The following CA5A variants were observed in gnomAD, a reference collection of about 807,000 sequenced individuals.
CA5A encodes carbonic anhydrase 5A, mitochondrial.
CA5A carries 28 observed loss-of-function variants against 37.1 expected under a neutral mutation model. The ratio of observed to expected loss-of-function variants is 0.75; its 90% CI spans 0.56 to 1.03. The LOEUF (loss-of-function observed/expected upper bound fraction) is 1.03, where lower values mean the gene tolerates loss of function less well. CA5A is among the 50% of genes least tolerant of loss of function. The probability of loss-of-function intolerance (pLI) is 0.00; values close to 1 mark genes in which losing one functional copy is unlikely to be tolerated. For missense variants in CA5A, 444 were observed against 399.9 expected, an observed-to-expected ratio of 1.11 and a Z score of -0.94; for synonymous variants, 171 against 158.4, an observed-to-expected ratio of 1.08 and a Z score of -0.60.
intron 5 of CA5A, among the ~76,000 whole-genome samples, chr16:87,898,812 G>A (rs1248252112): frequency 6.9e-6 from 1 of 145,504 alleles, no homozygotes; most frequent in Non-Finnish European, 1.5e-5. Flanking sequence ...TCGGCTCACT[G>A]CAACCTCCGT....
intron 1 of CA5A, among the ~76,000 whole-genome samples, chr16:87,932,842 A>T (rs1346501687): frequency 1.3e-5 from 2 of 152,234 alleles, no homozygotes; most frequent in East Asian, 3.9e-4. Flanking sequence ...CTTGACCTCC[A>T]TGGGAGGAGC....
intron 2 of CA5A, among the ~76,000 whole-genome samples, chr16:87,915,870 G>A (rs1396800626): frequency 5.9e-5 from 9 of 152,034 alleles, no homozygotes; most frequent in South Asian, 2.1e-4. Context: ...AAACAACAGT[G>A]TATTAGTCTG....
intron 1 of CA5A, 128 bp downstream of exon 1, chr16:87,936,181 A>C (rs1000745449): frequency 4.7e-6 from 3 of 645,092 alleles, no homozygotes; most frequent in African/African-American, 3.7e-5. Context: ...TAAAAAAAAA[A>C]AAAAAAAAAC....
intron 5 of CA5A, among the ~76,000 whole-genome samples, chr16:87,896,068 T>C (rs1257645728): frequency 2.0e-5 from 3 of 152,238 alleles, no homozygotes; most frequent in Non-Finnish European, 4.4e-5. Flanking sequence ...GATGTGCCAG[T>C]CACTTTCTGA....
chr16:87,891,317 A>C (rs1386642132), intron 6 of CA5A, among the ~76,000 whole-genome samples: 1 of 151,664 alleles, frequency 6.6e-6, no homozygotes, highest in Admixed American at 6.6e-5. Flanking sequence ...AAAATACAAA[A>C]ATTAGCCAGG....
rs2055893055 is a variant in CA5A at position 87,902,480 on chromosome 16, T to C, written c.500A>G (p.Tyr167Cys). ...ATTCTCTCCCACGACAGCTTCCTTG[T>C]AATTTTGGTATTTCACAGAATTCCA... The part of the protein sequence containing the change: ...VHWNSVKYQN[Y>C]KEAVVGENGL... The change falls in exon 4 of 7, where the codon TAC becomes TGC. Residue 167 changes from tyrosine (Y) to cysteine (C), a missense_variant. Tyr to Cys is a radical substitution (Grantham distance 194). Transcript: ENST00000649794. 6.2e-7 allele frequency: 1 copy of C among 1,611,860 alleles called. No homozygotes were observed. Among genetic ancestry groups the C allele is most frequent in the African/African-American group, 1.3e-5 (1 of 75,014 alleles).
Position 87,926,787 on chromosome 16 carries a change from G to T in CA5A, c.301C>A (p.Leu101Ile). The T allele has an allele frequency of 6.2e-7, 1 of 1,614,148 alleles. No individual in the cohort carries two copies. The highest frequency in any genetic ancestry group is 8.5e-7 in the Non-Finnish European group (1 of 1,179,980). ...SCLYIWNTGY[L>I]FQVEFDDATE... ...GCATCGTCAAATTCCACCTGGAAGA[G>T]GTAGCCAGTGTTCCAGATGTACAGG... The change falls in exon 2 of 7, where the codon CTC (leucine) becomes ATC (isoleucine). Residue 101 changes from leucine to isoleucine, a missense_variant. Physicochemically the swap from Leu to Ile is conservative, Grantham distance 5. Coordinates refer to ENST00000649794, the MANE Select transcript of CA5A (RefSeq NM_001739.2).
At chr16:87,928,810 C>A (rs1165650550) in intron 1 of CA5A, among the ~76,000 whole-genome samples, 3 of 138,608 alleles carry the variant, frequency 2.2e-5, no homozygotes, top group East Asian at 2.1e-4. Context: ...ACTCGGTCGC[C>A]CAGGCTGCAG....
chr16:87,933,067 G>A, intron 1 of CA5A, among the ~76,000 whole-genome samples: 1 of 152,238 alleles, frequency 6.6e-6, no homozygotes, highest in East Asian at 1.9e-4. Flanking sequence ...CCCACCCAGA[G>A]TGGGGAGCCC....
chr16:87,892,941 C>A, intron 5 of CA5A: 2 of 818,354 alleles, frequency 2.4e-6, no homozygotes, highest in Admixed American at 4.2e-5. Flanking sequence ...GCCACTGTGC[C>A]CGGCCTATGG....
chr16:87,926,330 C>G (rs946600504), intron 2 of CA5A, among the ~76,000 whole-genome samples: 2 of 152,250 alleles, frequency 1.3e-5, no homozygotes, highest in Non-Finnish European at 2.9e-5. Context: ...GTGGACCCAA[C>G]TTCCTTGCAG....
chr16:87,926,499 G>C (rs1371390326), intron 2 of CA5A, among the ~76,000 whole-genome samples: 1 of 152,208 alleles, frequency 6.6e-6, no homozygotes, highest in African/African-American at 2.4e-5. Flanking sequence ...TCTTTGCTAG[G>C]TGCACCTGTG....
Position 87,899,392 on chromosome 16 carries a change from G to A in CA5A, c.618+2520C>T, listed in dbSNP as rs371640390. On this transcript the variant is annotated intron_variant, in intron 5 of 6. Coordinates refer to ENST00000649794, the MANE Select transcript of CA5A (RefSeq NM_001739.2). ...ATCTGAGCTCACTGCAACCTCCACC[G>A]CCCAGATTCAAGCAATTCTCCTGCC... 3.3e-4 allele frequency among the ~76,000 whole-genome samples: 43 copies of A among 128,796 alleles called. 1 individual carries two copies. Among genetic ancestry groups the A allele is most frequent in the African/African-American group, 9.4e-4 (32 of 33,894 alleles). 84.5% of individuals were successfully genotyped at this position (128,796 alleles called of 152,430 possible).
intron 2 of CA5A, among the ~76,000 whole-genome samples, chr16:87,925,109 T>TC (rs36086249): frequency 6.6e-6 from 1 of 152,114 alleles, no homozygotes; most frequent in African/African-American, 2.4e-5. Flanking sequence ...GTGAGCAAGA[T>TC]CCCCAGGCAC....
At chr16:87,898,269 G>A (rs922935337) in intron 5 of CA5A, among the ~76,000 whole-genome samples, 36 of 152,354 alleles carry the variant, frequency 2.4e-4, no homozygotes, top group African/African-American at 8.2e-4. Context: ...CAGCCCAGAA[G>A]CTGCAGGTGA....
intron 1 of CA5A, among the ~76,000 whole-genome samples, chr16:87,931,503 C>T (rs932195267): frequency 6.6e-6 from 1 of 152,198 alleles, no homozygotes; most frequent in Non-Finnish European, 1.5e-5. Context: ...ACTCACTCTC[C>T]GAGTTACCTG....
At chr16:87,905,623 C>T (rs4843731) in intron 2 of CA5A, among the ~76,000 whole-genome samples, 20,695 of 152,132 alleles carry the variant, frequency 0.14, 2,066 homozygotes, top group African/African-American at 0.28. Context: ...CCTCCCAAAG[C>T]GCTGGGATGA....
intron 2 of CA5A, among the ~76,000 whole-genome samples, chr16:87,920,377 A>G (rs1361852511): frequency 6.6e-6 from 1 of 152,136 alleles, no homozygotes; most frequent in Non-Finnish European, 1.5e-5. Context: ...CAGTGGTGCA[A>G]TCTCAGCTCA....
At chr16:87,934,686 G>A (rs922452988) in intron 1 of CA5A, among the ~76,000 whole-genome samples, 3 of 152,196 alleles carry the variant, frequency 2.0e-5, no homozygotes, top group Non-Finnish European at 4.4e-5. Flanking sequence ...GGGGGTGGGT[G>A]CAGTGGCTCA....
Sources: allele counts gnomAD v4.1 joint callset (sites outside exome capture counted in the v4.1 genomes callset), GRCh38; gene constraint gnomAD v4.1.1; transcripts MANE v1.5; gene names NCBI Gene and HGNC (gene_info 2026-07-23, HGNC 2026-07-21).